Variants in TCEANC2 observed in about 807,000 individuals in gnomAD.
TCEANC2 encodes transcription elongation factor A N-terminal and central domain containing 2.
TCEANC2 carries 20 observed loss-of-function variants against 22.8 expected under a neutral mutation model. The ratio of observed to expected loss-of-function variants is 0.88; its 90% confidence interval spans 0.62 to 1.28. The LOEUF (loss-of-function observed/expected upper bound fraction) is 1.28. Among genes scored for constraint, TCEANC2 ranks in the 50% most tolerant of loss-of-function variants. The pLI is 0.00. For missense variants in TCEANC2, 251 were observed against 249.7 expected (o/e 1.01, Z -0.03); for synonymous variants, 84 against 95.5 (o/e 0.88, Z 0.70).
At chr1:54,083,650 C>G (rs1658286289) in intron 3 of TCEANC2, among the ~76,000 whole-genome samples, 1 of 152,066 alleles carries the variant, frequency 6.6e-6, no homozygotes, top group Non-Finnish European at 1.5e-5. Context: ...TAAGGTGAGA[C>G]TCTTATGAAG....
At chr1:54,110,710 G>A (rs549127425), downstream of TCEANC2, among the ~76,000 whole-genome samples, 8 of 152,282 alleles carry the variant, frequency 5.3e-5, no homozygotes, top group South Asian at 1.0e-3. Flanking sequence ...AAGGTCCTCC[G>A]TGTCCTGGCC....
At chr1:54,078,044 T>A (rs1658173238) in intron 3 of TCEANC2, among the ~76,000 whole-genome samples, 1 of 152,242 alleles carries the variant, frequency 6.6e-6, no homozygotes, top group South Asian at 2.1e-4. Flanking sequence ...TTTACATTCC[T>A]ACCATTTTCT....
At chr1:54,067,171 G>GAAAAAATATC (rs1657973027) in intron 2 of TCEANC2, among the ~76,000 whole-genome samples, 1 of 152,220 alleles carries the variant, frequency 6.6e-6, no homozygotes, top group Admixed American at 6.5e-5. Flanking sequence ...AAGGAGAAGT[G>GAAAAAATATC]GGTATATTGG....
chr1:54,092,488 A>G (rs1432369071), intron 4 of TCEANC2, among the ~76,000 whole-genome samples: 5 of 152,222 alleles, frequency 3.3e-5, no homozygotes, highest in Admixed American at 3.3e-4. Context: ...TCTGCTATAT[A>G]TATGATGTTA....
At chr1:54,064,362 T>C (rs1395313909) in intron 2 of TCEANC2, among the ~76,000 whole-genome samples, 1 of 152,206 alleles carries the variant, frequency 6.6e-6, no homozygotes, top group Non-Finnish European at 1.5e-5. Flanking sequence ...ATAGATTTAC[T>C]GAAGTAAGTA....
intron 3 of TCEANC2, among the ~76,000 whole-genome samples, chr1:54,083,913 A>C (rs1658290625): frequency 6.6e-6 from 1 of 152,202 alleles, no homozygotes; most frequent in African/African-American, 2.4e-5. Flanking sequence ...ATAAACATTG[A>C]CTCACACTAT....
chr1:54,060,794 GCCGGGTGTGGTGGTGGGCGCCTGTAAT>G (rs1298317628), intron 2 of TCEANC2, among the ~76,000 whole-genome samples: 2 of 152,094 alleles, frequency 1.3e-5, no homozygotes, highest in Non-Finnish European at 2.9e-5. Context: ...ACAAAAATTA[GCCGGGTGTGGTGGTGGGCGCCTGTAAT>G]CCTAGCTACT....
At chr1:54,081,019 A>G (rs1370668114) in intron 3 of TCEANC2, among the ~76,000 whole-genome samples, 7 of 152,166 alleles carry the variant, frequency 4.6e-5, no homozygotes, top group East Asian at 3.9e-4. Flanking sequence ...GGAATAGTAG[A>G]GGGTTAAAGC....
At chr1:54,082,314 G>A (rs1043102223) in intron 3 of TCEANC2, among the ~76,000 whole-genome samples, 8 of 152,136 alleles carry the variant, frequency 5.3e-5, no homozygotes, top group African/African-American at 1.7e-4. Context: ...TTTCTTTACA[G>A]TATAGTTTCA....
intron 4 of TCEANC2, among the ~76,000 whole-genome samples, chr1:54,095,026 A>C (rs946817991): frequency 1.4e-4 from 21 of 152,230 alleles, no homozygotes; most frequent in African/African-American, 4.8e-4. Context: ...GCCTGTAATA[A>C]TCCTAGCTCT....
Position 54,054,509 on chromosome 1 carries a change from G to C in TCEANC2, c.87G>C (p.Thr29=). The part of the protein sequence containing the change: ...DSGGKVYKQA[T]IESLKRVVVV... ...GAGGAAAGGTTTACAAGCAGGCCAC[G>C]ATTGAATCTCTGAAGGTGAGAGGGG... Residue 29 remains threonine, a synonymous_variant, in exon 2 of 5, where the codon ACG becomes ACC. Transcript: ENST00000234827. 2 of 1,613,168 alleles carry C rather than the reference G, an allele frequency of 1.2e-6. No individual in the cohort carries two copies. The highest frequency in any genetic ancestry group is 2.2e-5 in the East Asian group (1 of 44,854).
At position 54,070,792 on chromosome 1, in the gene TCEANC2, A is replaced by T. The variant is rs193052987; in HGVS notation, c.244+1895A>T. 2.1e-4 allele frequency among the ~76,000 whole-genome samples: 32 copies of T among 152,286 alleles called. No homozygotes were observed. In the East Asian group the frequency reaches 5.8e-3, roughly 28 times the overall value. On this transcript the variant is annotated intron_variant, in intron 3 of 4. Coordinates refer to ENST00000234827, the MANE Select transcript of TCEANC2 (RefSeq NM_153035.3). ...TATAAGGGACAAATATTTACTGAGT[A>T]CCTTTCCTGTGTTGGGAACTATATA...
intron 2 of TCEANC2, among the ~76,000 whole-genome samples, chr1:54,058,579 G>A (rs78045839): frequency 7.9e-5 from 12 of 152,124 alleles, no homozygotes; most frequent in Non-Finnish European, 1.0e-4. Flanking sequence ...ACCCCAGTGC[G>A]CTTATCGTCT....
rs760296812 is a variant in TCEANC2, at chr1:54,054,470, GAAGA to G, written c.53_56del (p.Lys18IlefsTer15). On this transcript the variant is annotated frameshift_variant, in exon 2 of 5. Coordinates refer to ENST00000234827, the MANE Select transcript of TCEANC2 (RefSeq NM_153035.3). LOFTEE classifies it high-confidence loss of function. ...CGCCTAGAATCCAGAATAGCCCTCAGAAGAAAGATTCTGGAGGAAAGGTTTACAA... is the reference window on the plus strand; with the variant it reads ...CGCCTAGAATCCAGAATAGCCCTCAGAAGATTCTGGAGGAAAGGTTTACAA... 6.2e-7 allele frequency: 1 copy of G among 1,614,056 alleles called. No individual in the cohort carries two copies. The highest frequency in any genetic ancestry group is 1.7e-5 in the Admixed American group (1 of 60,000).
At chr1:54,110,616 A>T (rs1249878063), downstream of TCEANC2, among the ~76,000 whole-genome samples, 1 of 152,068 alleles carries the variant, frequency 6.6e-6, no homozygotes, top group Non-Finnish European at 1.5e-5. Context: ...ACAAAACAAA[A>T]CAAAACAAAA....
rs550985841 is a variant in TCEANC2, at chr1:54,074,491, GC to G, written c.244+5596del. Among the ~76,000 whole-genome samples the G allele has an allele frequency of 4.6e-5, 7 of 152,196 alleles. No individual in the cohort carries two copies. The East Asian group carries it at 1.2e-3, about 25-fold the overall frequency. ...AAAAAAAAATATAGTAGATAAGCTT[GC>G]CTAGGATGAGTTTATAAGTTAAGAA... On this transcript the variant is annotated intron_variant, in intron 3 of 4. Transcript: ENST00000234827.
rs979843477 is a variant in TCEANC2 at position 54,084,616 on chromosome 1, C to G, written c.245-3981C>G. ...GTGGCTCACACCTGTAATCCCAGTA[C>G]TTTGGGAGGCCAAAGCGGGTGGACC... On this transcript the variant is annotated intron_variant, in intron 3 of 4. Coordinates refer to ENST00000234827, the MANE Select transcript of TCEANC2 (RefSeq NM_153035.3). 6.6e-5 allele frequency among the ~76,000 whole-genome samples: 10 copies of G among 152,090 alleles called. 1 individual carries two copies. Among genetic ancestry groups the G allele is most frequent in the Admixed American group, 6.5e-4 (10 of 15,276 alleles).
chr1:54,074,902 G>T (rs2100367941), intron 3 of TCEANC2, among the ~76,000 whole-genome samples: 1 of 152,320 alleles, frequency 6.6e-6, no homozygotes, highest in South Asian at 2.1e-4. Context: ...AGGGAATGTG[G>T]TATTGAAGAA....
chr1:54,096,983 C>A lies in TCEANC2; in HGVS notation c.*510C>A. On this transcript the variant is annotated 3_prime_UTR_variant, in exon 5 of 5. Transcript: ENST00000234827. This position sits in a 1 kb window ranked among gnomAD's most constrained non-coding sequence, Gnocchi z 4.9. ...TGAGCCTGCGAGAGCCAGCCAACTA[C>A]CCCTTCTTCCCAGAGCTCACTTATC... is the stretch of plus-strand genomic sequence containing the variant. 1.0e-6 allele frequency: 1 copy of A among 986,124 alleles called. No individual in the cohort carries two copies. Among genetic ancestry groups the A allele is most frequent in the Non-Finnish European group, 1.2e-6 (1 of 830,148 alleles). The allele number at this position is 986,124 out of a possible 1,614,324, so 61.1% of individuals were successfully genotyped here. A position where few individuals can be genotyped will look rare whatever the true frequency, so the allele number is the denominator to read the frequency against.
Sources: gnomAD v4.1 joint callset for allele counts (sites outside exome capture counted in the v4.1 genomes callset) on GRCh38, gnomAD v4.1.1 for gene constraint, Gnocchi (gnomAD v3.1) non-coding constraint, MANE v1.5 for transcripts, NCBI Gene and HGNC (gene_info 2026-07-23, HGNC 2026-07-21) for gene names.